USP34: variants seen among roughly 807,000 people sequenced by gnomAD.
USP34 encodes the protein ubiquitin specific peptidase 34, also known as ubiquitin carboxyl-terminal hydrolase 34.
Under a neutral mutation model 460.3 loss-of-function variants are expected in USP34, and 70 were observed. That is an observed-to-expected ratio of 0.15 (90% confidence interval 0.13 to 0.19). The LOEUF is 0.19. Among genes scored for constraint, USP34 ranks in the 10% least tolerant of loss-of-function variants. The pLI, the probability that USP34 is intolerant of heterozygous loss-of-function variation, is 1.00. For missense variants in USP34, 3,985 were observed against 4,236.2 expected, an observed-to-expected ratio of 0.94 and a Z score of 1.65; for synonymous variants, 1,647 against 1,405.3, an observed-to-expected ratio of 1.17 and a Z score of -3.85.
At position 61,188,652 on chromosome 2, in the gene USP34, G is replaced by C; in HGVS notation, c.10091C>G (p.Thr3364Ser). The C allele has an allele frequency of 2.5e-6, 4 of 1,614,196 alleles. No homozygotes were observed. Among genetic ancestry groups the C allele is most frequent in the Non-Finnish European group, 3.4e-6 (4 of 1,180,034 alleles). Residue 3364 changes from threonine to serine, a missense_variant, in exon 80 of 80, where the codon ACT (threonine) becomes AGT (serine). Around this residue, in one of 14 missense-constraint regions of USP34, gnomAD observed 506 missense variants for 439.0 expected, o/e 1.15. Coordinates refer to ENST00000398571, the MANE Select transcript of USP34 (RefSeq NM_014709.4). ...CATGTCACTGATGCAGCTGTCTACAGTGTGCTCCTCATCACTGCTAACACG... is the reference window on the plus strand; with the variant it reads ...CATGTCACTGATGCAGCTGTCTACACTGTGCTCCTCATCACTGCTAACACG... ...RRRVSSDEEHTVDSCISDMKT... is the reference protein window; with the variant it reads ...RRRVSSDEEHSVDSCISDMKT...
chr2:61,324,051 C>G (rs2103708632), intron 21 of USP34, among the ~76,000 whole-genome samples: 1 of 152,258 alleles, frequency 6.6e-6, no homozygotes, highest in South Asian at 2.1e-4. Context: ...CGACTCCTAG[C>G]AAGACAGCCA....
chr2:61,359,135 C>T (rs968285078), intron 10 of USP34, among the ~76,000 whole-genome samples: 2 of 151,294 alleles, frequency 1.3e-5, no homozygotes, highest in African/African-American at 4.9e-5. Context: ...TGTAAATAGC[C>T]AGAACAGTCT....
Position 61,470,712 on chromosome 2 carries a change from CCCT to C in USP34, c.-23_-21del. The C allele has an allele frequency of 3.1e-6, 5 of 1,588,330 alleles. No individual in the cohort carries two copies. The highest frequency in any genetic ancestry group is 1.1e-5 in the South Asian group (1 of 89,212). On this transcript the variant is annotated 5_prime_UTR_variant, in exon 1 of 80. Transcript: ENST00000398571. ...GCACATCGTTCGGCCGCCGCCCCCC[CCCT>C]CCCCCGCTTCGGATCACACTGACTG...
At chr2:61,381,680 C>A (rs951689842) in intron 6 of USP34, among the ~76,000 whole-genome samples, 3 of 152,150 alleles carry the variant, frequency 2.0e-5, no homozygotes, top group African/African-American at 7.2e-5. Flanking sequence ...TGTTTTCTTA[C>A]ACAGCAAAAC....
At chr2:61,401,779 C>T (rs1376587414) in intron 3 of USP34, among the ~76,000 whole-genome samples, 2 of 146,382 alleles carry the variant, frequency 1.4e-5, no homozygotes, top group Non-Finnish European at 3.0e-5. Flanking sequence ...AGGATGGTCT[C>T]GATATCCTGA....
chr2:61,394,265 C>T (rs1419171840), intron 5 of USP34, among the ~76,000 whole-genome samples: 1 of 152,072 alleles, frequency 6.6e-6, no homozygotes, highest in Non-Finnish European at 1.5e-5. Context: ...TTCAGGCATA[C>T]TATAATAGTA....
chr2:61,200,142 C>T (rs1161990930), intron 75 of USP34: 1 of 152,340 alleles, frequency 6.6e-6, no homozygotes, highest in Non-Finnish European at 1.5e-5. Flanking sequence ...GCTTTGACTT[C>T]CTGGGCTAAA....
chr2:61,273,221 T>C (rs1018198519), intron 41 of USP34, among the ~76,000 whole-genome samples: 3 of 152,240 alleles, frequency 2.0e-5, no homozygotes, highest in African/African-American at 7.2e-5. Context: ...AACGATTGGC[T>C]TTGCATAAAT....
At chr2:61,334,019 T>A in intron 18 of USP34, 48 bp from the exon 19 acceptor site, 2 of 1,379,306 alleles carry the variant, frequency 1.5e-6, no homozygotes, top group Non-Finnish European at 2.0e-6. Flanking sequence ...ATTCTTTTTA[T>A]AGAAATTCAG....
At chr2:61,269,882 G>A (rs921362149) in intron 41 of USP34, among the ~76,000 whole-genome samples, 3 of 152,060 alleles carry the variant, frequency 2.0e-5, no homozygotes, top group Non-Finnish European at 2.9e-5. Flanking sequence ...TGGAATACCT[G>A]TGATTTCAAG....
chr2:61,312,774 T>C (rs979749218), intron 25 of USP34, among the ~76,000 whole-genome samples: 6 of 152,202 alleles, frequency 3.9e-5, no homozygotes, highest in Non-Finnish European at 7.3e-5. Context: ...TGCTCTGATG[T>C]TCAGCAGCAT....
chr2:61,329,785 T>C (rs576367378), intron 20 of USP34, among the ~76,000 whole-genome samples: 2 of 152,346 alleles, frequency 1.3e-5, no homozygotes, highest in South Asian at 4.1e-4. Flanking sequence ...TATCATTTCA[T>C]TAAATTCTTA....
At chr2:61,399,914 A>G (rs942766182) in intron 3 of USP34, among the ~76,000 whole-genome samples, 1 of 144,702 alleles carries the variant, frequency 6.9e-6, no homozygotes, top group African/African-American at 2.5e-5. Flanking sequence ...GTATTTTTCA[A>G]AAGTTCTTAT....
At chr2:61,376,725 T>G (rs544885790) in intron 8 of USP34, among the ~76,000 whole-genome samples, 1 of 132,698 alleles carries the variant, frequency 7.5e-6, no homozygotes, top group Non-Finnish European at 1.7e-5. Flanking sequence ...CTCGGGTCAC[T>G]GCAATCTCTG....
chr2:61,333,169 T>C (rs1243678145), intron 19 of USP34, among the ~76,000 whole-genome samples: 1 of 152,044 alleles, frequency 6.6e-6, no homozygotes, highest in Non-Finnish European at 1.5e-5. Context: ...TACCAAAACA[T>C]GGGGTCGATT....
chr2:61,269,633 G>A (rs914114968), intron 41 of USP34, among the ~76,000 whole-genome samples: 8 of 151,940 alleles, frequency 5.3e-5, no homozygotes, highest in African/African-American at 1.9e-4. Context: ...AGACACCTAG[G>A]TTTTTCAAGA....
intron 42 of USP34, 73 bp downstream of exon 42, chr2:61,265,911 T>C: frequency 5.1e-6 from 7 of 1,365,852 alleles, no homozygotes; most frequent in Non-Finnish European, 6.9e-6. Flanking sequence ...GATTCTTTTG[T>C]TAAACAGTGC....
intron 53 of USP34, among the ~76,000 whole-genome samples, chr2:61,237,806 G>T (rs1401042620): frequency 6.6e-6 from 1 of 150,540 alleles, no homozygotes; most frequent in Non-Finnish European, 1.5e-5. Context: ...GAACTCCTGG[G>T]GTCAAGCAAT....
intron 3 of USP34, among the ~76,000 whole-genome samples, chr2:61,395,532 C>T (rs972622513): frequency 6.7e-6 from 1 of 149,778 alleles, no homozygotes; most frequent in Non-Finnish European, 1.5e-5. Context: ...GACGCGGTGG[C>T]TCACGCCTGT....
Sources: gnomAD v4.1 joint callset for allele counts (sites outside exome capture counted in the v4.1 genomes callset) on GRCh38, gnomAD v4.1.1 for gene constraint, gnomAD v4.1.1 regional missense constraint, MANE v1.5 for transcripts, NCBI Gene and HGNC (gene_info 2026-07-23, HGNC 2026-07-21) for gene names.